ANKZF1: variants seen among roughly 807,000 people sequenced by gnomAD.
ANKZF1 encodes the protein ankyrin repeat and zinc finger peptidyl tRNA hydrolase 1, also known as tRNA endonuclease ANKZF1.
ANKZF1 carries 84 observed loss-of-function variants against 86.0 expected under a neutral mutation model. The ratio of observed to expected loss-of-function variants is 0.98; its 90% CI spans 0.82 to 1.17. ANKZF1 has a LOEUF of 1.17. Ranked by LOEUF, ANKZF1 falls within the 50% of genes most tolerant of loss-of-function variation. The pLI, the probability that ANKZF1 is intolerant of heterozygous loss-of-function variation, is 0.00. For missense variants in ANKZF1, 893 were observed against 918.4 expected (o/e 0.97, Z 0.36); for synonymous variants, 331 against 354.2 (o/e 0.93, Z 0.74).
intron 2 of ANKZF1, chr2:219,231,711 A>G (rs1313387777): frequency 1.9e-5 from 9 of 486,360 alleles, no homozygotes; most frequent in Non-Finnish European, 3.3e-5. Flanking sequence ...TTTTATTTAC[A>G]TTCATTTTAC....
At chr2:219,230,064 G>A in intron 1 of ANKZF1, 164 bp downstream of exon 1, 1 of 549,422 alleles carries the variant, frequency 1.8e-6, no homozygotes, top group Non-Finnish European at 3.1e-6. Context: ...GAGACTGGGG[G>A]TTTGAGAAAG....
At chr2:219,230,170 A>G in intron 1 of ANKZF1, 58 bp from the exon 2 acceptor site, 6 of 1,469,190 alleles carry the variant, frequency 4.1e-6, no homozygotes, top group Non-Finnish European at 5.5e-6. Context: ...CAGGCAGGAG[A>G]CGCAGCAGTA....
chr2:219,235,182 C>G lies in ANKZF1; in HGVS notation c.1561C>G (p.Pro521Ala). The G allele has an allele frequency of 2.5e-6, 4 of 1,614,078 alleles. No individual in the cohort carries two copies. The highest frequency in any genetic ancestry group is 3.4e-6 in the Non-Finnish European group (4 of 1,180,012). Residue 521 changes from proline to alanine, a missense_variant, in exon 10 of 14, where the codon CCT becomes GCT. By Grantham distance (27) the Pro-to-Ala change is conservative. Coordinates refer to ENST00000323348, the MANE Select transcript of ANKZF1 (RefSeq NM_018089.3). ...KLQLAPSPADPRVLSLLSAPL... is the reference protein window; with the variant it reads ...KLQLAPSPADARVLSLLSAPL... ...GCAGCTAGCTCCCAGCCCTGCAGAC[C>G]CTAGAGTTCTGTCTCTGCTCAGTGC... is the stretch of plus-strand genomic sequence containing the variant.
Position 219,236,549 on chromosome 2 carries a change from TG to T in ANKZF1, c.*109del. The T allele has an allele frequency of 6.9e-7, 1 of 1,443,816 alleles. No individual in the cohort carries two copies. Among genetic ancestry groups the T allele is most frequent in the Non-Finnish European group, 9.3e-7 (1 of 1,080,022 alleles). 89.4% of individuals were successfully genotyped at this position (1,443,816 alleles called of 1,614,324 possible). ...GTGAAACCAGAGATGATTTGGAAGA[TG>T]GGGGTGAAGGACACTCGGGAACTAG... On this transcript the variant is annotated 3_prime_UTR_variant, in exon 14 of 14. Coordinates refer to ENST00000323348, the MANE Select transcript of ANKZF1 (RefSeq NM_018089.3).
Position 219,235,834 on chromosome 2 carries a change from G to C in ANKZF1, c.1930G>C (p.Glu644Gln), listed in dbSNP as rs1317977716. ...RQQEQEEREREEQRRFAALSD... is the reference protein window; with the variant it reads ...RQQEQEERERQEQRRFAALSD... ...GCAGGAGCAGGAGGAGCGTGAACGAGAAGAGCAGCGGCGATTTGCCGCCCT... is the reference window on the plus strand; with the variant it reads ...GCAGGAGCAGGAGGAGCGTGAACGACAAGAGCAGCGGCGATTTGCCGCCCT... The change falls in exon 12 of 14, where the codon GAA (glutamate) becomes CAA (glutamine). Residue 644 changes from glutamate to glutamine, a missense_variant. Transcript: ENST00000323348. 8 of 1,614,230 alleles carry C rather than the reference G, an allele frequency of 5.0e-6. No individual in the cohort carries two copies. The highest frequency in any genetic ancestry group is 6.8e-6 in the Non-Finnish European group (8 of 1,180,040).
intron 5 of ANKZF1, 21 bp from the exon 6 acceptor site, chr2:219,233,058 T>G: frequency 6.2e-7 from 1 of 1,606,270 alleles, no homozygotes; most frequent in Non-Finnish European, 8.5e-7. Flanking sequence ...GATATGTTTC[T>G]GATGCTTCTC....
chr2:219,233,199 G>A lies in ANKZF1; in HGVS notation c.671+8G>A. ...TGGTGCTATATTTCAAGGGTGAGAG[G>A]GTGCTGCATGGGGGTAAGGATGGAG... On this transcript the variant is annotated splice_region_variant and intron_variant, in intron 6 of 13. Coordinates refer to ENST00000323348, the MANE Select transcript of ANKZF1 (RefSeq NM_018089.3). 3 of 1,614,210 alleles carry A rather than the reference G, an allele frequency of 1.9e-6. No individual in the cohort carries two copies. The highest frequency in any genetic ancestry group is 2.2e-5 in the East Asian group (1 of 44,892).
In ANKZF1 at chr2:219,233,950, CT is replaced by C; in HGVS notation, c.1048+10del. 6.4e-7 allele frequency: 1 copy of C among 1,557,856 alleles called. No individual in the cohort carries two copies. The highest frequency in any genetic ancestry group is 1.4e-5 in the African/African-American group (1 of 73,018). The stretch of plus-strand genomic sequence containing the variant: ...ACCACTTTGCATGTCTATGGTGAGC[CT>C]TTGCTCCAGATCCCAATTCCCTAGA... On this transcript the variant is annotated splice_region_variant and intron_variant, in intron 8 of 13. Coordinates refer to ENST00000323348, the MANE Select transcript of ANKZF1 (RefSeq NM_018089.3).
At chr2:219,233,990 T>G (rs746128808) in intron 8 of ANKZF1, 47 bp downstream of exon 8, 1 of 1,533,988 alleles carries the variant, frequency 6.5e-7, no homozygotes, top group Non-Finnish European at 8.7e-7. Context: ...TCCTGTTCTC[T>G]CCAACCTAAG....
Position 219,229,904 on chromosome 2 carries a change from C to T in ANKZF1, c.-31+4C>T. ...CGCTCAGCTCCCGGGACGTTTGGTG[C>T]GTCTTCTAAGGGCGTGGGCGAGTTT... On this transcript the variant is annotated splice_donor_region_variant and intron_variant, in intron 1 of 13. Transcript: ENST00000323348. The surrounding 1 kb of genome is among the most constrained non-coding windows in gnomAD (Gnocchi z 4.2). 1 of 199,202 alleles carries T rather than the reference C, an allele frequency of 5.0e-6. No individual in the cohort carries two copies. The highest frequency in any genetic ancestry group is 6.1e-5 in the Admixed American group (1 of 16,452). The allele number at this position is 199,202 out of a possible 1,614,324, so 12.3% of individuals were successfully genotyped here. A position where few individuals can be genotyped will look rare whatever the true frequency, so the allele number is the denominator to read the frequency against.
intron 1 of ANKZF1, 152 bp downstream of exon 1, chr2:219,230,052 C>T (rs1950981775): frequency 3.9e-6 from 2 of 517,362 alleles, no homozygotes; most frequent in Non-Finnish European, 6.8e-6. Context: ...CTTTTGTGGG[C>T]TGAGACTGGG....
Position 219,235,230 on chromosome 2 carries a change from A to G in ANKZF1, c.1609A>G (p.Thr537Ala). ...LSAPLGSGGF[T>A]LLHAAAAAGR... The stretch of plus-strand genomic sequence containing the variant: ...TGCCCCCTTGGGCTCCGGTGGCTTT[A>G]CTCTCCTGCATGCAGCAGCTGCAGC... Residue 537 changes from threonine (T) to alanine (A), a missense_variant, in exon 10 of 14, where the codon ACT (threonine) becomes GCT (alanine). Physicochemically the swap from Thr to Ala is moderately conservative, Grantham distance 58. Transcript: ENST00000323348. The G allele has an allele frequency of 6.2e-7, 1 of 1,613,272 alleles. No individual in the cohort carries two copies. The highest frequency in any genetic ancestry group is 8.5e-7 in the Non-Finnish European group (1 of 1,180,008).
At chr2:219,232,143 T>C in intron 3 of ANKZF1, 103 bp downstream of exon 3, 2 of 1,410,804 alleles carry the variant, frequency 1.4e-6, no homozygotes, top group Non-Finnish European at 2.0e-6. Context: ...ATGCTTTGAC[T>C]GAGGCAGTTG....
intron 12 of ANKZF1, 62 bp from the exon 13 acceptor site, chr2:219,235,948 C>G (rs928670650): frequency 1.2e-6 from 2 of 1,613,866 alleles, no homozygotes; most frequent in Non-Finnish European, 1.7e-6. Context: ...GTGCAGCTGT[C>G]ACCTCTTGGG....
At chr2:219,231,397 TTTC>T (rs1951029720) in intron 2 of ANKZF1, 1 of 169,608 alleles carries the variant, frequency 5.9e-6, no homozygotes, top group Admixed American at 5.8e-5. Flanking sequence ...TTATTTTATT[TTTC>T]TTCATCTTTT....
chr2:219,230,340 G>T lies in ANKZF1; in HGVS notation c.83G>T (p.Gly28Val), dbSNP rs2106453887. Residue 28 changes from glycine (G) to valine (V), a missense_variant, in exon 2 of 14, where the codon GGC becomes GTC. Gly to Val is a moderately radical substitution (Grantham distance 109). Transcript: ENST00000323348. Reference protein sequence around the residue: ...DLSADAPVFQGLSLVSHAPGE... With the variant: ...DLSADAPVFQVLSLVSHAPGE... ...AGCGCGGATGCTCCGGTCTTTCAGG[G>T]CCTGAGCCTGGTGAGCCACGCGCCT... The T allele has an allele frequency of 2.5e-6, 4 of 1,614,000 alleles. No homozygotes were observed. The Admixed American group carries it at 6.7e-5, about 27-fold the overall frequency.
rs1444771209 is a variant in ANKZF1 at position 219,236,309 on chromosome 2, T to C, written c.2058-13T>C. On this transcript the variant is annotated splice_polypyrimidine_tract_variant and intron_variant, in intron 13 of 13. Coordinates refer to ENST00000323348, the MANE Select transcript of ANKZF1 (RefSeq NM_018089.3). ...GGGGTACCTGTCCAGCCATTTTTCT[T>C]CCTCTTGTTCAGACGCTGCTGGAGT... The C allele has an allele frequency of 6.2e-7, 1 of 1,613,964 alleles. No individual in the cohort carries two copies. Among genetic ancestry groups the C allele is most frequent in the East Asian group, 2.2e-5 (1 of 44,886 alleles).
In ANKZF1 at chr2:219,236,478, G is replaced by C; in HGVS notation, c.*33G>C. 1 of 1,535,470 alleles carries C rather than the reference G, an allele frequency of 6.5e-7. No individual in the cohort carries two copies. ...CAGCTCTACCTGGGGCCAACTCAGG[G>C]ACCTGAGAGGGCACATTCACAGCAG... On this transcript the variant is annotated 3_prime_UTR_variant, in exon 14 of 14. Coordinates refer to ENST00000323348, the MANE Select transcript of ANKZF1 (RefSeq NM_018089.3).
rs1460174159 is a variant in ANKZF1, at chr2:219,235,124, T to C, written c.1503T>C (p.Ala501=). The change falls in exon 10 of 14, where the codon GCT becomes GCC. Residue 501 remains alanine (A), a synonymous_variant. Coordinates refer to ENST00000323348, the MANE Select transcript of ANKZF1 (RefSeq NM_018089.3). ...QPELWNALLA[A]CRAGDVGVLK... is the part of the protein sequence containing the mutation. Reference sequence around the variant, plus strand: ...AGCTCTGGAATGCACTGCTTGCTGCTTGCCGAGCTGGAGATGTTGGAGTGC... The same window carrying C: ...AGCTCTGGAATGCACTGCTTGCTGCCTGCCGAGCTGGAGATGTTGGAGTGC... 3.1e-6 allele frequency: 5 copies of C among 1,614,212 alleles called. No individual in the cohort carries two copies. The African/African-American group carries it at 4.0e-5, about 13-fold the overall frequency.
Sources: gnomAD v4.1 joint callset for allele counts on GRCh38, gnomAD v4.1.1 for gene constraint, Gnocchi (gnomAD v3.1) non-coding constraint, MANE v1.5 for transcripts, NCBI Gene and HGNC (gene_info 2026-07-23, HGNC 2026-07-21) for gene names.